ERC2: variants seen among roughly 807,000 people sequenced by gnomAD.
The protein encoded by ERC2 is ERC protein 2.
Under a neutral mutation model 114.8 loss-of-function variants are expected in ERC2, and 42 were observed. That is an observed-to-expected ratio of 0.37 (90% confidence interval 0.29 to 0.47). ERC2 has a LOEUF of 0.47. Ranked by LOEUF, ERC2 falls within the 20% of genes least tolerant of loss-of-function variation. The pLI, the probability that ERC2 is intolerant of heterozygous loss-of-function variation, is 0.99. For synonymous variants in ERC2, 454 were observed against 425.5 expected, an observed-to-expected ratio of 1.07 and a Z score of -0.82; for missense variants, 939 against 1,150.7, an observed-to-expected ratio of 0.82 and a Z score of 2.66.
At chr3:56,358,144 G>A (rs1387796860) in intron 2 of ERC2, among the ~76,000 whole-genome samples, 1 of 152,062 alleles carries the variant, frequency 6.6e-6, no homozygotes, top group East Asian at 1.9e-4. Flanking sequence ...TTTATTGTTG[G>A]AATGAACTTG....
intron 1 of ERC2, among the ~76,000 whole-genome samples, chr3:56,441,655 A>G (rs1279136832): frequency 6.6e-6 from 1 of 152,140 alleles, no homozygotes; most frequent in African/African-American, 2.4e-5. Context: ...CCCAGACTGG[A>G]GTGCAGTGGC....
chr3:56,292,395 T>C (rs2150349126), intron 3 of ERC2, among the ~76,000 whole-genome samples: 1 of 141,818 alleles, frequency 7.1e-6, no homozygotes, highest in South Asian at 2.2e-4. Flanking sequence ...CTGGGCAACA[T>C]GGTGAAACCC....
chr3:56,368,939 G>C (rs950543524), intron 2 of ERC2, among the ~76,000 whole-genome samples: 1 of 152,154 alleles, frequency 6.6e-6, no homozygotes, highest in Admixed American at 6.5e-5. Flanking sequence ...AACTACAGAA[G>C]CAATGCAGAA....
At chr3:56,016,594 T>C (rs1268934663) in intron 8 of ERC2, among the ~76,000 whole-genome samples, 2 of 152,110 alleles carry the variant, frequency 1.3e-5, no homozygotes, top group Non-Finnish European at 2.9e-5. Context: ...TATGAGGTTC[T>C]GATTTGGTAG....
At chr3:56,132,593 C>T (rs934651276) in intron 6 of ERC2, among the ~76,000 whole-genome samples, 9 of 152,066 alleles carry the variant, frequency 5.9e-5, no homozygotes, top group Non-Finnish European at 1.0e-4. Context: ...GCTGAGATCA[C>T]GCCACTGCAC....
At chr3:55,614,697 G>A (rs2059053918) in intron 17 of ERC2, among the ~76,000 whole-genome samples, 1 of 152,106 alleles carries the variant, frequency 6.6e-6, no homozygotes, top group African/African-American at 2.4e-5. Flanking sequence ...TTTATAGATG[G>A]CCTCTCTTTA....
At chr3:56,175,162 G>A (rs555936707) in intron 3 of ERC2, among the ~76,000 whole-genome samples, 5 of 152,260 alleles carry the variant, frequency 3.3e-5, no homozygotes, top group African/African-American at 1.2e-4. Context: ...TAGGGCACAT[G>A]TCCAAGGACC....
At chr3:56,386,751 G>A (rs1291726389) in intron 2 of ERC2, among the ~76,000 whole-genome samples, 1 of 152,138 alleles carries the variant, frequency 6.6e-6, no homozygotes, top group African/African-American at 2.4e-5. Flanking sequence ...TACTGCTACT[G>A]AAAATGATAA....
At chr3:55,778,266 G>A (rs1486611171) in intron 14 of ERC2, among the ~76,000 whole-genome samples, 1 of 152,134 alleles carries the variant, frequency 6.6e-6, no homozygotes. Context: ...CAGGTTCTCT[G>A]GAAACATGAC....
chr3:55,636,392 G>C (rs1260182788), intron 17 of ERC2, among the ~76,000 whole-genome samples: 3 of 152,052 alleles, frequency 2.0e-5, no homozygotes, highest in Non-Finnish European at 4.4e-5. Flanking sequence ...CGTTCCCTCA[G>C]CCTCCATTTC....
chr3:55,899,754 A>G (rs1433863866), intron 13 of ERC2, among the ~76,000 whole-genome samples: 1 of 152,190 alleles, frequency 6.6e-6, no homozygotes, highest in African/African-American at 2.4e-5. Flanking sequence ...CTAGAGGGAA[A>G]TGTATCAAAA....
At chr3:55,815,045 T>G (rs1439606256) in intron 14 of ERC2, among the ~76,000 whole-genome samples, 6 of 152,164 alleles carry the variant, frequency 3.9e-5, no homozygotes, top group African/African-American at 1.4e-4. Context: ...AATCCCCTGT[T>G]TAGTCTGTCT....
At chr3:55,824,758 T>G (rs1331161148) in intron 14 of ERC2, among the ~76,000 whole-genome samples, 1 of 152,176 alleles carries the variant, frequency 6.6e-6, no homozygotes, top group African/African-American at 2.4e-5. Flanking sequence ...AATAAGCCTA[T>G]ATGTCACTCA....
At chr3:56,407,331 C>T (rs892699330) in intron 2 of ERC2, among the ~76,000 whole-genome samples, 5 of 152,138 alleles carry the variant, frequency 3.3e-5, no homozygotes, top group Non-Finnish European at 7.3e-5. Context: ...AGGTTTAAGT[C>T]CAAGTCCACT....
chr3:56,132,274 C>G (rs2080247915), intron 6 of ERC2, among the ~76,000 whole-genome samples: 1 of 152,276 alleles, frequency 6.6e-6, no homozygotes, highest in South Asian at 2.1e-4. Flanking sequence ...AACTGAGAAG[C>G]AAGGCCATGT....
At chr3:56,315,885 T>A (rs957021698) in intron 2 of ERC2, among the ~76,000 whole-genome samples, 2 of 152,038 alleles carry the variant, frequency 1.3e-5, no homozygotes, top group African/African-American at 4.8e-5. Flanking sequence ...AAAGAAAGTA[T>A]CTAACAGTAC....
chr3:56,159,914 G>A (rs922399633), intron 4 of ERC2, among the ~76,000 whole-genome samples: 11 of 152,074 alleles, frequency 7.2e-5, no homozygotes, highest in African/African-American at 2.7e-4. Flanking sequence ...CACCATTAAT[G>A]GGCACCTAGG....
chr3:55,650,688 A>G (rs1368029497), intron 17 of ERC2, among the ~76,000 whole-genome samples: 1 of 152,178 alleles, frequency 6.6e-6, no homozygotes. Context: ...TTAAACTTCA[A>G]TTAAATGAAT....
At chr3:55,786,653 G>GAAAGGTA (rs2069521927) in intron 14 of ERC2, among the ~76,000 whole-genome samples, 2 of 152,138 alleles carry the variant, frequency 1.3e-5, no homozygotes, top group African/African-American at 4.8e-5. Flanking sequence ...CTGAGGCTTG[G>GAAAGGTA]AAAGGTAAAA....
Sources: gnomAD v4.1 joint callset for allele counts (sites outside exome capture counted in the v4.1 genomes callset) on GRCh38, gnomAD v4.1.1 for gene constraint, MANE v1.5 for transcripts, NCBI Gene and HGNC (gene_info 2026-07-23, HGNC 2026-07-21) for gene names.